ZNF804A: variants seen among roughly 807,000 people sequenced by gnomAD.
The protein encoded by ZNF804A is zinc finger protein 804A.
A neutral mutation model predicts 16.5 loss-of-function variants in ZNF804A; 2 were observed. The ratio of observed to expected loss-of-function variants is 0.12; its 90% CI spans 0.05 to 0.38. The LOEUF is 0.38. ZNF804A is among the 10% of genes least tolerant of loss of function. The pLI is 0.99. For synonymous variants in ZNF804A, 534 were observed against 489.6 expected (o/e 1.09, Z -1.20); for missense variants, 1,473 against 1,390.7 (o/e 1.06, Z -0.94).
chr2:184,815,361 T>C (rs1184875548), intron 1 of ZNF804A, among the ~76,000 whole-genome samples: 2 of 152,020 alleles, frequency 1.3e-5, no homozygotes, highest in Non-Finnish European at 2.9e-5. Context: ...TCTTAACCTG[T>C]TATTTTAAAA....
At chr2:184,928,060 A>G (rs1685636741) in intron 2 of ZNF804A, among the ~76,000 whole-genome samples, 1 of 151,776 alleles carries the variant, frequency 6.6e-6, no homozygotes, top group Non-Finnish European at 1.5e-5. Context: ...CTCTCCCCAT[A>G]TCCACCACAA....
chr2:184,743,966 T>C (rs954271628), intron 1 of ZNF804A, among the ~76,000 whole-genome samples: 21 of 152,066 alleles, frequency 1.4e-4, no homozygotes, highest in African/African-American at 4.8e-4. Context: ...GTGGTCATCA[T>C]TATATTGACA....
intron 1 of ZNF804A, among the ~76,000 whole-genome samples, chr2:184,746,972 A>G (rs1047479550): frequency 1.3e-5 from 2 of 151,410 alleles, no homozygotes; most frequent in Non-Finnish European, 3.0e-5. Flanking sequence ...CAATCGACAA[A>G]AGATTGCATG....
intron 1 of ZNF804A, among the ~76,000 whole-genome samples, chr2:184,787,837 T>A (rs1370010935): frequency 6.6e-6 from 1 of 150,546 alleles, no homozygotes; most frequent in Non-Finnish European, 1.5e-5. Context: ...TTTTTTTTTT[T>A]AGTTTAATTA....
intron 1 of ZNF804A, among the ~76,000 whole-genome samples, chr2:184,682,264 A>C (rs367835766): frequency 6.6e-6 from 1 of 152,238 alleles, no homozygotes; most frequent in Non-Finnish European, 1.5e-5. Flanking sequence ...AGAAGGCACC[A>C]GTGGCCAAAG....
intron 1 of ZNF804A, among the ~76,000 whole-genome samples, chr2:184,730,081 A>G (rs1693487946): frequency 6.6e-6 from 1 of 152,110 alleles, no homozygotes; most frequent in African/African-American, 2.4e-5. Context: ...TCCTTAAGAG[A>G]TTATTTTGGT....
chr2:184,816,681 C>A (rs1694988218), intron 1 of ZNF804A, among the ~76,000 whole-genome samples: 1 of 151,944 alleles, frequency 6.6e-6, no homozygotes, highest in African/African-American at 2.4e-5. Context: ...CACAATGTTA[C>A]CGTTATCTCC....
At chr2:184,867,537 T>C (rs1695893643) in intron 2 of ZNF804A, among the ~76,000 whole-genome samples, 1 of 152,064 alleles carries the variant, frequency 6.6e-6, no homozygotes, top group Non-Finnish European at 1.5e-5. Context: ...GAGGATGGTG[T>C]AGGGAAGAAT....
chr2:184,909,004 A>G (rs1426084102), intron 2 of ZNF804A, among the ~76,000 whole-genome samples: 5 of 151,972 alleles, frequency 3.3e-5, no homozygotes, highest in Non-Finnish European at 7.4e-5. Context: ...CCACCACTCT[A>G]TTTTTTTCTT....
intron 2 of ZNF804A, among the ~76,000 whole-genome samples, chr2:184,901,435 A>G (rs564557067): frequency 6.6e-6 from 1 of 152,252 alleles, no homozygotes; most frequent in South Asian, 2.1e-4. Flanking sequence ...TCCTGGCAGT[A>G]CTTGTAGGAA....
At chr2:184,818,095 A>G (rs911219787) in intron 1 of ZNF804A, among the ~76,000 whole-genome samples, 38 of 151,956 alleles carry the variant, frequency 2.5e-4, no homozygotes, top group African/African-American at 9.2e-4. Context: ...CAACCCCAAG[A>G]CACATAATCT....
chr2:184,675,490 G>A (rs76869506), intron 1 of ZNF804A, among the ~76,000 whole-genome samples: 2,514 of 151,434 alleles, frequency 0.017, 34 homozygotes, highest in Admixed American at 0.033. Context: ...TTAAATAAAC[G>A]GTAAGTTAAA....
intron 1 of ZNF804A, among the ~76,000 whole-genome samples, chr2:184,652,149 G>T (rs1406464717): frequency 1.3e-5 from 2 of 152,098 alleles, no homozygotes; most frequent in Non-Finnish European, 2.9e-5. Context: ...ACATGGATGG[G>T]GCTGGAGACC....
At position 184,776,025 on chromosome 2, in the gene ZNF804A, A is replaced by G. The variant is rs544869322; in HGVS notation, c.112-90344A>G. 2.0e-5 allele frequency among the ~76,000 whole-genome samples: 3 copies of G among 151,776 alleles called. No individual in the cohort carries two copies. The South Asian group carries it at 6.2e-4, about 31-fold the overall frequency. ...TAGAGCTAGAAACATTTATCTTTCT[A>G]CAAGTATTTACTAAGCACCTTGTTT... On this transcript the variant is annotated intron_variant, in intron 1 of 3. Coordinates refer to ENST00000302277, the MANE Select transcript of ZNF804A (RefSeq NM_194250.2).
intron 1 of ZNF804A, among the ~76,000 whole-genome samples, chr2:184,746,278 C>A (rs1448104829): frequency 6.6e-6 from 1 of 151,314 alleles, no homozygotes; most frequent in Non-Finnish European, 1.5e-5. Flanking sequence ...AGCACTAGAC[C>A]TTATTCCTTC....
rs774222712 is a variant in ZNF804A, at chr2:184,937,902, G to A, written c.2506G>A (p.Val836Met). Residue 836 changes from valine (V) to methionine (M), a missense_variant, in exon 4 of 4, where the codon GTG (valine) becomes ATG (methionine). Transcript: ENST00000302277. ...ACTCAAAGAAAATACAGATTATCCC[G>A]TGAAAGACAATTCTTCCTTAAATCC... ...LELKENTDYPVKDNSSLNPLD... is the reference protein window; with the variant it reads ...LELKENTDYPMKDNSSLNPLD... 3.7e-6 allele frequency: 6 copies of A among 1,614,064 alleles called. No homozygotes were observed. Among genetic ancestry groups the A allele is most frequent in the African/African-American group, 1.3e-5 (1 of 75,048 alleles).
chr2:184,678,523 G>A (rs1692477723), intron 1 of ZNF804A, among the ~76,000 whole-genome samples: 2 of 152,088 alleles, frequency 1.3e-5, no homozygotes, highest in Non-Finnish European at 2.9e-5. Flanking sequence ...AAGAGAACAA[G>A]GAACACATGC....
intron 2 of ZNF804A, among the ~76,000 whole-genome samples, chr2:184,908,779 C>A (rs1685316757): frequency 6.6e-6 from 1 of 152,080 alleles, no homozygotes; most frequent in Admixed American, 6.6e-5. Context: ...TCTACAATTT[C>A]TTCATGGTTT....
intron 1 of ZNF804A, among the ~76,000 whole-genome samples, chr2:184,863,102 T>C (rs1208101108): frequency 6.6e-6 from 1 of 152,074 alleles, no homozygotes; most frequent in Non-Finnish European, 1.5e-5. Flanking sequence ...TGATCCTGAG[T>C]TCATAGTTAT....
Sources: gnomAD v4.1 joint callset for allele counts (sites outside exome capture counted in the v4.1 genomes callset) on GRCh38, gnomAD v4.1.1 for gene constraint, MANE v1.5 for transcripts, NCBI Gene and HGNC (gene_info 2026-07-23, HGNC 2026-07-21) for gene names.